The following VAV2 variants were observed in gnomAD, a reference collection of about 807,000 sequenced individuals.
VAV2 encodes the protein guanine nucleotide exchange factor VAV2.
Under a neutral mutation model 132.5 loss-of-function variants are expected in VAV2, and 67 were observed. The ratio of observed to expected loss-of-function variants is 0.51; its 90% CI spans 0.42 to 0.62. The LOEUF (loss-of-function observed/expected upper bound fraction) is 0.62, where lower values mean the gene tolerates loss of function less well. VAV2 is among the 20% of genes least tolerant of loss of function. VAV2 has a pLI of 0.00. For synonymous variants in VAV2, 492 were observed against 443.5 expected (o/e 1.11, Z -1.37); for missense variants, 938 against 1,153.6 (o/e 0.81, Z 2.71).
chr9:133,905,922 C>G (rs1839634283), intron 2 of VAV2, among the ~76,000 whole-genome samples: 1 of 152,104 alleles, frequency 6.6e-6, no homozygotes, highest in Non-Finnish European at 1.5e-5. Flanking sequence ...CAACTGTAAT[C>G]CCAGCTACTT....
Position 133,991,158 on chromosome 9 carries a change from G to A in VAV2, c.204+917C>T, listed in dbSNP as rs1843002448. On this transcript the variant is annotated intron_variant, in intron 1 of 29. Transcript: ENST00000371850. The surrounding 1 kb of genome is among the most constrained non-coding windows in gnomAD (Gnocchi z 4.8). Reference sequence around the variant, plus strand: ...GGCTGGAAGACCGCACCTCCTCGGCGCTGGGTGGACCCGGCTGCCACCCGC... The same window carrying A: ...GGCTGGAAGACCGCACCTCCTCGGCACTGGGTGGACCCGGCTGCCACCCGC... 6.6e-6 allele frequency among the ~76,000 whole-genome samples: 1 copy of A among 152,120 alleles called. No individual in the cohort carries two copies. Among genetic ancestry groups the A allele is most frequent in the East Asian group, 1.9e-4 (1 of 5,184 alleles).
At position 133,826,476 on chromosome 9, in the gene VAV2, C is replaced by G. The variant is rs900955789; in HGVS notation, c.449+7796G>C. Among the ~76,000 whole-genome samples, 4 of 152,200 alleles carry G rather than the reference C, an allele frequency of 2.6e-5. No homozygotes were observed. The highest frequency in any genetic ancestry group is 6.5e-5 in the Admixed American group (1 of 15,288). ...GCCTGGCTGTGTCTAGGATCACTCC[C>G]TCCTCATGCAGCCACCGGAGTGGCG... On this transcript the variant is annotated intron_variant, in intron 4 of 29. Transcript: ENST00000371850. The surrounding 1 kb of genome is among the most constrained non-coding windows in gnomAD (Gnocchi z 4.2).
At chr9:133,914,032 T>A (rs989235303) in intron 2 of VAV2, among the ~76,000 whole-genome samples, 2 of 152,072 alleles carry the variant, frequency 1.3e-5, no homozygotes, top group African/African-American at 2.4e-5. Context: ...TCCTGAAACG[T>A]AAACCAACAA....
At position 133,928,165 on chromosome 9, in the gene VAV2, G is replaced by A. The variant is rs942622452; in HGVS notation, c.321+10938C>T. On this transcript the variant is annotated intron_variant, in intron 2 of 29. Transcript: ENST00000371850. This position sits in a 1 kb window ranked among gnomAD's most constrained non-coding sequence, Gnocchi z 5.4. ...CGGGTCAGCATCCGATGGGCTTACC[G>A]ACTCCGTGTGTGTGTGTGTGTGTGC... is the stretch of plus-strand genomic sequence containing the variant. Among the ~76,000 whole-genome samples the A allele has an allele frequency of 3.6e-5, 3 of 83,032 alleles. No individual in the cohort carries two copies. Among genetic ancestry groups the A allele is most frequent in the Admixed American group, 2.5e-4 (2 of 8,084 alleles). 54.5% of individuals were successfully genotyped at this position (83,032 alleles called of 152,430 possible). A position where few individuals can be genotyped will look rare whatever the true frequency, so the allele number is the denominator to read the frequency against.
chr9:133,895,507 T>G (rs1839163377), intron 2 of VAV2, among the ~76,000 whole-genome samples: 1 of 152,266 alleles, frequency 6.6e-6, no homozygotes. Context: ...AGAGAAGCTC[T>G]GATTCTCACC....
rs117210200 is a variant in VAV2 at position 133,885,493 on chromosome 9, G to C, written c.322-24061C>G. ...TACTTCCTGAGGGCCTGCCACTGTGGACTCTGCAAGTGTCGTATTTACTAA... is the reference window on the plus strand; with the variant it reads ...TACTTCCTGAGGGCCTGCCACTGTGCACTCTGCAAGTGTCGTATTTACTAA... On this transcript the variant is annotated intron_variant, in intron 2 of 29. Coordinates refer to ENST00000371850, the MANE Select transcript of VAV2 (RefSeq NM_001134398.2). This position sits in a 1 kb window ranked among gnomAD's most constrained non-coding sequence, Gnocchi z 5.0. Among the ~76,000 whole-genome samples the C allele has an allele frequency of 0.013, 1,988 of 152,320 alleles. 21 individuals are homozygous for C. Among genetic ancestry groups the C allele is most frequent in the Non-Finnish European group, 0.021 (1,427 of 68,026 alleles).
intron 1 of VAV2, among the ~76,000 whole-genome samples, chr9:133,976,067 C>T (rs112967591): frequency 1.3e-5 from 2 of 151,894 alleles, no homozygotes; most frequent in East Asian, 1.9e-4. Context: ...ATTAGCCAGG[C>T]GTGGTGGTGG....
rs1835068534 is a variant in VAV2 at position 133,804,755 on chromosome 9, C to T, written c.836+1326G>A. On this transcript the variant is annotated intron_variant, in intron 9 of 29. Transcript: ENST00000371850. The surrounding 1 kb of genome is among the most constrained non-coding windows in gnomAD (Gnocchi z 4.5). The stretch of plus-strand genomic sequence containing the variant: ...CAGCCGGGCACTATCAGCTCACCCA[C>T]AGATGAAGGGAACACCTTGCTGAGG... Among the ~76,000 whole-genome samples, 1 of 152,240 alleles carries T rather than the reference C, an allele frequency of 6.6e-6. No individual in the cohort carries two copies.
chr9:133,829,029 A>C (rs74611834), intron 4 of VAV2, among the ~76,000 whole-genome samples: 4,481 of 152,222 alleles, frequency 0.029, 212 homozygotes, highest in African/African-American at 0.1. Flanking sequence ...CATCTTGTGC[A>C]TGTCACTCTT....
chr9:133,891,674 TG>T (rs1564441183), intron 2 of VAV2, among the ~76,000 whole-genome samples: 5 of 2,400 alleles, frequency 2.1e-3, no homozygotes, highest in South Asian at 0.042. Flanking sequence ...GCGGGAGGGA[TG>T]AAGAGGAGGA....
chr9:133,876,315 G>A (rs1838260992), intron 2 of VAV2, among the ~76,000 whole-genome samples: 1 of 152,268 alleles, frequency 6.6e-6, no homozygotes, highest in Admixed American at 6.5e-5. Context: ...GGCACGCCCT[G>A]CTCCCACGCC....
chr9:133,893,195 C>G (rs897582176), intron 2 of VAV2, among the ~76,000 whole-genome samples: 1 of 152,218 alleles, frequency 6.6e-6, no homozygotes, highest in Non-Finnish European at 1.5e-5. Flanking sequence ...ATCCACAGGC[C>G]TCTAAAGGTG....
At chr9:133,797,203 G>A (rs1354166551) in intron 10 of VAV2, among the ~76,000 whole-genome samples, 1 of 152,218 alleles carries the variant, frequency 6.6e-6, no homozygotes, top group Admixed American at 6.5e-5. Flanking sequence ...GACTTGCCCT[G>A]GGCCTGGGGT....
At chr9:133,765,364 A>G (rs1833397958) in intron 29 of VAV2, among the ~76,000 whole-genome samples, 1 of 152,248 alleles carries the variant, frequency 6.6e-6, no homozygotes, top group African/African-American at 2.4e-5. Flanking sequence ...ACAAATAATG[A>G]GACAAACTGG....
At position 133,834,293 on chromosome 9, in the gene VAV2, C is replaced by G. The variant is rs774257474; in HGVS notation, c.428G>C (p.Arg143Pro). 1 of 1,612,286 alleles carries G rather than the reference C, an allele frequency of 6.2e-7. No individual in the cohort carries two copies. The change falls in exon 4 of 30, where the codon CGC (arginine) becomes CCC (proline). Residue 143 changes from arginine (R) to proline (P), a missense_variant. Coordinates refer to ENST00000371850, the MANE Select transcript of VAV2 (RefSeq NM_001134398.2). This position sits in a 1 kb window ranked among gnomAD's most constrained non-coding sequence, Gnocchi z 5.9. ...TTACTCGGCCAGCTCCTCCAGGCTG[C>G]GGTAGACGTCATCGTCATTCTCTGT... ...ETTENDDDVY[R>P]SLEELADEHD...
intron 7 of VAV2, 37 bp from the exon 8 acceptor site, chr9:133,807,363 T>A: frequency 1.3e-6 from 2 of 1,572,820 alleles, no homozygotes; most frequent in Non-Finnish European, 1.7e-6. Flanking sequence ...ACCCTGCTGC[T>A]GTTGCCCACC....
chr9:133,835,649 G>A (rs1564392343), intron 3 of VAV2, among the ~76,000 whole-genome samples: 1 of 152,184 alleles, frequency 6.6e-6, no homozygotes, highest in African/African-American at 2.4e-5. Flanking sequence ...GATGCCAGCT[G>A]GGATTGCTTC....
intron 4 of VAV2, among the ~76,000 whole-genome samples, chr9:133,827,781 G>A (rs1184318252): frequency 7.7e-5 from 2 of 26,026 alleles, no homozygotes; most frequent in Non-Finnish European, 2.4e-4. Context: ...CACTGAGCAC[G>A]GGCATCACCA....
chr9:133,929,511 C>A (rs778976491), intron 2 of VAV2, among the ~76,000 whole-genome samples: 1 of 151,896 alleles, frequency 6.6e-6, no homozygotes, highest in Non-Finnish European at 1.5e-5. Flanking sequence ...GGAGGTTCCA[C>A]GGGGGTAGGG....
Sources: allele counts gnomAD v4.1 joint callset (sites outside exome capture counted in the v4.1 genomes callset), GRCh38; gene constraint gnomAD v4.1.1; non-coding constraint Gnocchi (gnomAD v3.1); transcripts MANE v1.5; gene names NCBI Gene and HGNC (gene_info 2026-07-23, HGNC 2026-07-21).